RNF13: variants seen among roughly 807,000 people sequenced by gnomAD.
RNF13 encodes the protein E3 ubiquitin-protein ligase RNF13.
In RNF13, 19 loss-of-function variants were observed where a neutral mutation model predicts 37.7. The observed-to-expected ratio is 0.50, with a 90% confidence interval of 0.35 to 0.74. The LOEUF (loss-of-function observed/expected upper bound fraction) is 0.74. RNF13 is among the 30% of genes least tolerant of loss of function. RNF13 has a pLI of 0.01. For synonymous variants in RNF13, 144 were observed against 157.8 expected, an observed-to-expected ratio of 0.91 and a Z score of 0.65; for missense variants, 375 against 453.0, an observed-to-expected ratio of 0.83 and a Z score of 1.56.
chr3:149,894,243 T>C (rs1342092735), intron 4 of RNF13, among the ~76,000 whole-genome samples: 1 of 152,158 alleles, frequency 6.6e-6, no homozygotes, highest in African/African-American at 2.4e-5. Flanking sequence ...ATTGGTGGGA[T>C]AGTTTTAGAG....
intron 1 of RNF13, among the ~76,000 whole-genome samples, chr3:149,827,352 C>T (rs772912344): frequency 2.6e-5 from 4 of 152,050 alleles, no homozygotes; most frequent in South Asian, 2.1e-4. Flanking sequence ...TTAGTATGAG[C>T]GGGCAGTCCT....
intron 8 of RNF13, among the ~76,000 whole-genome samples, chr3:149,946,045 C>G (rs1176888338): frequency 1.3e-5 from 2 of 152,210 alleles, no homozygotes; most frequent in Non-Finnish European, 2.9e-5. Flanking sequence ...TCCTCACCAG[C>G]AACGGAACAA....
Position 149,911,976 on chromosome 3 carries a change from AG to A in RNF13, c.503del. 1 of 1,498,580 alleles carries A rather than the reference AG, an allele frequency of 6.7e-7. No homozygotes were observed. Among genetic ancestry groups the A allele is most frequent in the Non-Finnish European group, 9.3e-7 (1 of 1,079,626 alleles). The allele number at this position is 1,498,580 out of a possible 1,614,324, so 92.8% of individuals were successfully genotyped here. A position where few individuals can be genotyped will look rare whatever the true frequency, so the allele number is the denominator to read the frequency against. On this transcript the variant is annotated splice_acceptor_variant, in intron 6 of 9. Coordinates refer to ENST00000392894, the MANE Select transcript of RNF13 (RefSeq NM_183381.3). LOFTEE classifies it high-confidence loss of function. ...CAATTATTGATTTTTGTTTTCTTCT[AG>A]GGGCCACCTTATCTTAGTTCCAGAA...
At chr3:149,956,328 A>G (rs1457488365) in intron 8 of RNF13, among the ~76,000 whole-genome samples, 1 of 152,200 alleles carries the variant, frequency 6.6e-6, no homozygotes, top group Non-Finnish European at 1.5e-5. Flanking sequence ...GGAAAGATTC[A>G]GGACATGTTT....
chr3:149,813,560 C>T (rs1202602288), intron 1 of RNF13, among the ~76,000 whole-genome samples: 1 of 152,210 alleles, frequency 6.6e-6, no homozygotes, highest in African/African-American at 2.4e-5. Flanking sequence ...CTCCCCTGCA[C>T]TCTCATTCCG....
At chr3:149,839,677 A>C (rs1277183669) in intron 1 of RNF13, among the ~76,000 whole-genome samples, 1 of 152,154 alleles carries the variant, frequency 6.6e-6, no homozygotes, top group African/African-American at 2.4e-5. Context: ...GGTTTCTCCC[A>C]CAACACCTGG....
At chr3:149,939,189 T>C in intron 8 of RNF13, 3 of 519,562 alleles carry the variant, frequency 5.8e-6, no homozygotes. Context: ...TTTTCAGTCT[T>C]TTCCATTCTG....
chr3:149,854,126 G>A (rs1356933457), intron 3 of RNF13, among the ~76,000 whole-genome samples: 1 of 151,860 alleles, frequency 6.6e-6, no homozygotes, highest in African/African-American at 2.4e-5. Context: ...ATGAGCCACC[G>A]TGCCTAGCCA....
intron 5 of RNF13, 92 bp from the exon 6 acceptor site, chr3:149,901,980 G>C: frequency 2.0e-6 from 1 of 511,002 alleles, no homozygotes; most frequent in Non-Finnish European, 3.5e-6. Context: ...GATTGTAATT[G>C]TTTCCAGTTG....
intron 3 of RNF13, among the ~76,000 whole-genome samples, chr3:149,868,881 C>T (rs1711651666): frequency 6.6e-6 from 1 of 151,798 alleles, no homozygotes; most frequent in African/African-American, 2.4e-5. Context: ...TGGTTATTTA[C>T]ATCTTTCTCA....
chr3:149,879,012 T>C (rs1337261096), intron 4 of RNF13, among the ~76,000 whole-genome samples: 1 of 152,186 alleles, frequency 6.6e-6, no homozygotes, highest in Non-Finnish European at 1.5e-5. Flanking sequence ...GAAGGTCTAG[T>C]TGTGTCACAT....
At chr3:149,817,020 G>T (rs1719529274) in intron 1 of RNF13, among the ~76,000 whole-genome samples, 1 of 152,214 alleles carries the variant, frequency 6.6e-6, no homozygotes, top group Non-Finnish European at 1.5e-5. Flanking sequence ...ACAGGTTTTG[G>T]TGGAAGGAGA....
At chr3:149,910,556 C>A (rs534340416) in intron 6 of RNF13, among the ~76,000 whole-genome samples, 1 of 152,216 alleles carries the variant, frequency 6.6e-6, no homozygotes, top group East Asian at 1.9e-4. Flanking sequence ...AAGTTGCATA[C>A]ATGTTATTTG....
At chr3:149,878,904 T>C (rs1366686155) in intron 4 of RNF13, among the ~76,000 whole-genome samples, 2 of 152,226 alleles carry the variant, frequency 1.3e-5, no homozygotes, top group Non-Finnish European at 2.9e-5. Flanking sequence ...AGAAAATCAG[T>C]TCTCCAGAGA....
chr3:149,877,920 G>A (rs1018814802), intron 4 of RNF13, among the ~76,000 whole-genome samples: 101 of 151,896 alleles, frequency 6.6e-4, no homozygotes, highest in African/African-American at 2.4e-3. Flanking sequence ...CCTTTAATTG[G>A]TAAATATACT....
chr3:149,845,977 C>G, intron 1 of RNF13, 34 bp from the exon 2 acceptor site: 1 of 1,179,034 alleles, frequency 8.5e-7, no homozygotes, highest in Non-Finnish European at 1.3e-6. Context: ...GGACAAAGCA[C>G]CAGCTCTCAG....
intron 5 of RNF13, 63 bp from the exon 6 acceptor site, chr3:149,902,006 TGAA>T: frequency 1.6e-6 from 1 of 626,120 alleles, no homozygotes; most frequent in Non-Finnish European, 2.6e-6. Context: ...GCTGCTATTA[TGAA>T]GAAAAGTTGA....
intron 1 of RNF13, among the ~76,000 whole-genome samples, chr3:149,816,279 T>C (rs1719443233): frequency 6.6e-6 from 1 of 152,108 alleles, no homozygotes; most frequent in South Asian, 2.1e-4. Flanking sequence ...AAGTAGCTGG[T>C]GGAGTAGCTG....
intron 8 of RNF13, among the ~76,000 whole-genome samples, chr3:149,948,006 G>A (rs1720943952): frequency 6.6e-6 from 1 of 152,140 alleles, no homozygotes; most frequent in Non-Finnish European, 1.5e-5. Context: ...CAGGAGTGCA[G>A]TGGCGCGATC....
Sources: allele counts gnomAD v4.1 joint callset (sites outside exome capture counted in the v4.1 genomes callset), GRCh38; gene constraint gnomAD v4.1.1; transcripts MANE v1.5; gene names NCBI Gene and HGNC (gene_info 2026-07-23, HGNC 2026-07-21).